The following MTUS2 variants were observed in gnomAD, a reference collection of about 807,000 sequenced individuals.
MTUS2 encodes microtubule-associated tumor suppressor candidate 2.
MTUS2 carries 40 observed loss-of-function variants against 114.1 expected under a neutral mutation model. The observed-to-expected ratio is 0.35, with a 90% CI of 0.27 to 0.46. The LOEUF is 0.46. MTUS2 is among the 20% of genes least tolerant of loss of function. MTUS2 has a pLI of 1.00. For synonymous variants in MTUS2, 688 were observed against 672.0 expected (o/e 1.02, Z -0.37); for missense variants, 1,679 against 1,705.4 (o/e 0.98, Z 0.27).
chr13:29,189,269 T>C (rs1348804560), intron 5 of MTUS2, among the ~76,000 whole-genome samples: 1 of 152,252 alleles, frequency 6.6e-6, no homozygotes, highest in Non-Finnish European at 1.5e-5. Context: ...TTGTGAACTT[T>C]TAGAAAGTAT....
intron 5 of MTUS2, among the ~76,000 whole-genome samples, chr13:29,216,253 G>T (rs764872248): frequency 5.9e-5 from 9 of 152,176 alleles, no homozygotes; most frequent in African/African-American, 2.2e-4. Flanking sequence ...GTCCCAGGTC[G>T]ATTCAGAGTG....
chr13:29,222,082 GACTACTGGCAGATGACA>G, intron 5 of MTUS2, among the ~76,000 whole-genome samples: 1 of 152,304 alleles, frequency 6.6e-6, no homozygotes, highest in East Asian at 1.9e-4. Context: ...CGAGTAGTGG[GACTACTGGCAGATGACA>G]CCATGCCCAG....
intron 8 of MTUS2, among the ~76,000 whole-genome samples, chr13:29,428,325 C>A (rs918655506): frequency 2.0e-5 from 3 of 152,276 alleles, no homozygotes; most frequent in African/African-American, 7.2e-5. Context: ...CAAGCCCTGG[C>A]AGCCCTTTCG....
At chr13:29,270,296 A>G (rs993004036) in intron 5 of MTUS2, among the ~76,000 whole-genome samples, 1 of 152,160 alleles carries the variant, frequency 6.6e-6, no homozygotes, top group African/African-American at 2.4e-5. Context: ...TGAAAGATTC[A>G]TGGTGCCCCT....
chr13:29,105,429 C>T (rs574807957), intron 5 of MTUS2, among the ~76,000 whole-genome samples: 12 of 152,270 alleles, frequency 7.9e-5, no homozygotes, highest in African/African-American at 2.6e-4. Flanking sequence ...ATTATGTATT[C>T]TGAATAGCAC....
intron 2 of MTUS2, among the ~76,000 whole-genome samples, chr13:28,874,414 C>T (rs117633830): frequency 5.2e-4 from 79 of 152,230 alleles, no homozygotes; most frequent in Non-Finnish European, 1.0e-3. Flanking sequence ...TTTGTTGTCT[C>T]TCATGGTTTC....
chr13:29,445,877 C>T (rs964266267), intron 9 of MTUS2, among the ~76,000 whole-genome samples: 1 of 151,642 alleles, frequency 6.6e-6, no homozygotes, highest in African/African-American at 2.4e-5. Context: ...CACTGCACTC[C>T]AGCCTGAGTG....
At position 29,497,675 on chromosome 13, in the gene MTUS2, A is replaced by C. The variant is rs149979583; in HGVS notation, c.3678+339A>C. ...CCAGCCCATTCTCCCGCAACTTTTT[A>C]AGCTGACATGGGGCAGCCTTGGCTG... On this transcript the variant is annotated intron_variant, in intron 13 of 15. Coordinates refer to ENST00000612955, the MANE Select transcript of MTUS2 (RefSeq NM_001033602.4). 2,242 of 288,498 alleles carry C rather than the reference A, an allele frequency of 7.8e-3. 36 individuals carry two copies. The highest frequency in any genetic ancestry group is 0.044 in the African/African-American group (2,102 of 47,316). The allele number at this position is 288,498 out of a possible 1,614,324, so 17.9% of individuals were successfully genotyped here. A position where few individuals can be genotyped will look rare whatever the true frequency, so the allele number is the denominator to read the frequency against.
intron 8 of MTUS2, among the ~76,000 whole-genome samples, chr13:29,404,984 A>C (rs76282810): frequency 0.028 from 4,245 of 152,236 alleles, 174 homozygotes; most frequent in African/African-American, 0.089. Flanking sequence ...TTTTTATTTA[A>C]TTTTAGGCAT....
At chr13:29,427,105 GA>G (rs1876598886) in intron 8 of MTUS2, among the ~76,000 whole-genome samples, 1 of 152,190 alleles carries the variant, frequency 6.6e-6, no homozygotes, top group Admixed American at 6.5e-5. Context: ...ACAGAGCCCA[GA>G]TGGGGGTCCC....
chr13:29,210,891 TGTTG>T (rs1002977950), intron 5 of MTUS2, among the ~76,000 whole-genome samples: 2 of 152,070 alleles, frequency 1.3e-5, no homozygotes, highest in Admixed American at 1.3e-4. Flanking sequence ...ACTGGATTAG[TGTTG>T]GTTGGCCTCC....
chr13:29,450,394 G>A (rs79727288), intron 9 of MTUS2, among the ~76,000 whole-genome samples: 114 of 152,302 alleles, frequency 7.5e-4, no homozygotes, highest in African/African-American at 2.6e-3. Flanking sequence ...TATGAGGTAG[G>A]TGAGGGCAAA....
At chr13:29,487,634 G>A (rs1881720236) in intron 10 of MTUS2, 1 of 495,236 alleles carries the variant, frequency 2.0e-6, no homozygotes, top group Non-Finnish European at 3.7e-6. Flanking sequence ...TGGTCCAGGA[G>A]CCACACTCAG....
chr13:28,832,024 C>T (rs973570384), intron 1 of MTUS2, among the ~76,000 whole-genome samples: 1 of 152,006 alleles, frequency 6.6e-6, no homozygotes, highest in Non-Finnish European at 1.5e-5. Flanking sequence ...TCAGCCTCCC[C>T]AAGTGCTAGG....
intron 5 of MTUS2, among the ~76,000 whole-genome samples, chr13:29,136,270 C>T (rs531273868): frequency 1.2e-4 from 19 of 152,164 alleles, no homozygotes; most frequent in Admixed American, 1.0e-3. Flanking sequence ...AGGACAGTTT[C>T]GCCAGATATA....
intron 7 of MTUS2, among the ~76,000 whole-genome samples, chr13:29,330,516 G>C (rs1332096641): frequency 6.6e-6 from 1 of 152,046 alleles, no homozygotes; most frequent in African/African-American, 2.4e-5. Flanking sequence ...CCTGTGTCTA[G>C]GTCCTGAATA....
At chr13:29,119,972 A>G (rs1443039383) in intron 5 of MTUS2, among the ~76,000 whole-genome samples, 2 of 152,242 alleles carry the variant, frequency 1.3e-5, no homozygotes, top group Non-Finnish European at 2.9e-5. Flanking sequence ...GTCATGTTCA[A>G]TTGCAAAATG....
intron 6 of MTUS2, among the ~76,000 whole-genome samples, chr13:29,291,715 A>C (rs1593268283): frequency 6.6e-6 from 1 of 152,292 alleles, no homozygotes; most frequent in East Asian, 1.9e-4. Flanking sequence ...TCAGGAGACT[A>C]AGATCCATGA....
At chr13:29,261,826 G>T (rs371418834) in intron 5 of MTUS2, among the ~76,000 whole-genome samples, 19 of 152,332 alleles carry the variant, frequency 1.2e-4, no homozygotes, top group East Asian at 1.2e-3. Flanking sequence ...GAGTGTTCAT[G>T]GATGATGGCT....
Sources: gnomAD v4.1 joint callset for allele counts (sites outside exome capture counted in the v4.1 genomes callset) on GRCh38, gnomAD v4.1.1 for gene constraint, MANE v1.5 for transcripts, NCBI Gene and HGNC (gene_info 2026-07-23, HGNC 2026-07-21) for gene names.